The following COL21A1 variants were observed in gnomAD, a reference collection of about 807,000 sequenced individuals.
COL21A1 encodes the protein collagen type XXI alpha 1 chain.
A neutral mutation model predicts 137.9 loss-of-function variants in COL21A1; 149 were observed. The ratio of observed to expected loss-of-function variants is 1.08; its 90% CI spans 0.95 to 1.24. The LOEUF (loss-of-function observed/expected upper bound fraction) is 1.24. Among genes scored for constraint, COL21A1 ranks in the 50% most tolerant of loss-of-function variants. COL21A1 has a pLI of 0.00. For synonymous variants in COL21A1, 456 were observed against 391.5 expected (o/e 1.16, Z -1.95); for missense variants, 1,167 against 1,158.4 (o/e 1.01, Z -0.11).
rs183694989 is a variant in COL21A1 at position 56,359,907 on chromosome 6, T to C, written c.-39+34064A>G. ...CCTTAATCTAATTTGTGATCTTCCT[T>C]CTGCAAAGAGTCATTGCAAACTGTG... On this transcript the variant is annotated intron_variant, in intron 1 of 28. Coordinates refer to the COL21A1 transcript ENST00000370819. 3.9e-4 allele frequency among the ~76,000 whole-genome samples: 59 copies of C among 151,890 alleles called. 1 individual carries two copies. The East Asian group carries it at 7.7e-3, about 20-fold the overall frequency.
chr6:56,072,454 T>A (rs1766842635), intron 20 of COL21A1, among the ~76,000 whole-genome samples: 1 of 151,514 alleles, frequency 6.6e-6, no homozygotes, highest in South Asian at 2.1e-4. Context: ...TTCAGCCTTA[T>A]CTCTGCCCTA....
chr6:56,058,510 A>C (rs1765522953), intron 29 of COL21A1, among the ~76,000 whole-genome samples: 1 of 152,004 alleles, frequency 6.6e-6, no homozygotes, highest in Admixed American at 6.6e-5. Flanking sequence ...GCCACTTCTT[A>C]CTCCTCTACT....
At chr6:56,063,702 G>T (rs565507534) in intron 24 of COL21A1, among the ~76,000 whole-genome samples, 2 of 152,054 alleles carry the variant, frequency 1.3e-5, no homozygotes, top group Admixed American at 1.3e-4. Context: ...TCTTCCCAAT[G>T]GTCTCTCAGA....
At chr6:56,260,886 G>GTA (rs1763256538) in intron 1 of COL21A1, among the ~76,000 whole-genome samples, 1 of 140,952 alleles carries the variant, frequency 7.1e-6, no homozygotes, top group South Asian at 2.4e-4. Context: ...GTATGTGTGT[G>GTA]TGTGTGTACC....
In COL21A1 at chr6:56,168,297, T is replaced by A. The variant is rs1389062664; in HGVS notation, c.1027A>T (p.Thr343Ser). 6.6e-7 allele frequency: 1 copy of A among 1,526,634 alleles called. No homozygotes were observed. Among genetic ancestry groups the A allele is most frequent in the African/African-American group, 1.4e-5 (1 of 72,886 alleles). 94.6% of individuals were successfully genotyped at this position (1,526,634 alleles called of 1,614,324 possible). ...VVTFANPQVK[T>S]LFDEGWHQIR... is the part of the protein sequence containing the mutation. ...TGGTGCCAGCCTTCATCAAACAACG[T>A]CTACAAAAAGAAAGTGTGGAAGATT... Residue 343 changes from threonine to serine, a missense_variant and splice_region_variant, in exon 6 of 30, where the codon ACG becomes TCG. Physicochemically the swap from Thr to Ser is moderately conservative, Grantham distance 58. Coordinates refer to ENST00000244728, the MANE Select transcript of COL21A1 (RefSeq NM_030820.4).
chr6:56,201,687 A>T (rs1582629039), intron 1 of COL21A1, among the ~76,000 whole-genome samples: 1 of 152,180 alleles, frequency 6.6e-6, no homozygotes, highest in African/African-American at 2.4e-5. Flanking sequence ...TCATAAAGCT[A>T]TGAGAAATAA....
chr6:56,075,935 G>A (rs913408381), intron 18 of COL21A1, among the ~76,000 whole-genome samples: 1 of 151,468 alleles, frequency 6.6e-6, no homozygotes, highest in African/African-American at 2.4e-5. Context: ...TTCCAGGGAT[G>A]CGGCTGACTA....
At chr6:56,301,194 T>C (rs956378969) in intron 1 of COL21A1, among the ~76,000 whole-genome samples, 5 of 152,150 alleles carry the variant, frequency 3.3e-5, no homozygotes, top group Admixed American at 2.0e-4. Flanking sequence ...TGTGTCTAAA[T>C]TAAGGATCTT....
chr6:56,146,975 T>A (rs535314826), intron 10 of COL21A1, among the ~76,000 whole-genome samples: 1 of 152,130 alleles, frequency 6.6e-6, no homozygotes, highest in African/African-American at 2.4e-5. Flanking sequence ...ATGAAAAACA[T>A]TGCCTACCTT....
At chr6:56,104,972 G>A (rs956806861) in intron 16 of COL21A1, among the ~76,000 whole-genome samples, 2 of 152,168 alleles carry the variant, frequency 1.3e-5, no homozygotes, top group African/African-American at 4.8e-5. Context: ...GAAGATCCTT[G>A]CTTTGTTAAG....
At chr6:56,139,513 AC>A in intron 12 of COL21A1, among the ~76,000 whole-genome samples, 1 of 152,156 alleles carries the variant, frequency 6.6e-6, no homozygotes, top group South Asian at 2.1e-4. Context: ...ACACACACAC[AC>A]ACAAGTGTTT....
chr6:56,159,972 GACTGGTCAACAGTCTTTATGAC>G (rs1193040381), intron 9 of COL21A1, among the ~76,000 whole-genome samples: 12 of 152,090 alleles, frequency 7.9e-5, no homozygotes, highest in African/African-American at 2.6e-4. Flanking sequence ...ACTTCATAAA[GACTGGTCAACAGTCTTTATGAC>G]ACTGGTCAAC....
At chr6:56,251,911 A>G (rs904744735), upstream of COL21A1, among the ~76,000 whole-genome samples, 9 of 152,232 alleles carry the variant, frequency 5.9e-5, no homozygotes, top group Non-Finnish European at 1.0e-4. Context: ...GGACTCTGCC[A>G]TCTTATTTCC....
At chr6:56,098,596 TATATATATAAATATATATAA>T (rs1360080165) in intron 17 of COL21A1, among the ~76,000 whole-genome samples, 9 of 10,358 alleles carry the variant, frequency 8.7e-4, no homozygotes, top group East Asian at 3.3e-3. Flanking sequence ...AATATATAAA[TATATATATAAATATATATAA>T]ATATATATAA....
chr6:56,189,795 A>G (rs1208771498), intron 1 of COL21A1, among the ~76,000 whole-genome samples: 1 of 152,244 alleles, frequency 6.6e-6, no homozygotes, highest in Non-Finnish European at 1.5e-5. Flanking sequence ...CAAAGCCAGA[A>G]GAGAGTGGGG....
intron 3 of COL21A1, among the ~76,000 whole-genome samples, chr6:56,171,610 A>G (rs953872752): frequency 6.6e-6 from 1 of 151,980 alleles, no homozygotes; most frequent in African/African-American, 2.4e-5. Context: ...AGGGGTAAAA[A>G]GTATTTTCTG....
At chr6:56,323,355 T>C (rs1764921803) in intron 1 of COL21A1, among the ~76,000 whole-genome samples, 1 of 152,074 alleles carries the variant, frequency 6.6e-6, no homozygotes, top group Non-Finnish European at 1.5e-5. Flanking sequence ...ATTCACATTG[T>C]TTTTCCTTAG....
At chr6:56,098,484 T>A (rs1453710265) in intron 17 of COL21A1, among the ~76,000 whole-genome samples, 1 of 30,546 alleles carries the variant, frequency 3.3e-5, no homozygotes, top group Non-Finnish European at 5.3e-5. Flanking sequence ...TAAATATACA[T>A]ATATAAATAT....
chr6:56,124,534 C>A (rs1215423124), intron 14 of COL21A1, among the ~76,000 whole-genome samples: 2 of 152,184 alleles, frequency 1.3e-5, no homozygotes, highest in African/African-American at 4.8e-5. Flanking sequence ...GAAATAACAT[C>A]TTGGCAAAAT....
Sources: allele counts gnomAD v4.1 joint callset (sites outside exome capture counted in the v4.1 genomes callset), GRCh38; gene constraint gnomAD v4.1.1; transcripts MANE v1.5; gene names NCBI Gene and HGNC (gene_info 2026-07-23, HGNC 2026-07-21).